FAM178B: variants seen among roughly 807,000 people sequenced by gnomAD.
FAM178B encodes family with sequence similarity 178 member B, also known as protein FAM178B.
In FAM178B, 82 loss-of-function variants were observed where a neutral mutation model predicts 91.7. That is an observed-to-expected ratio of 0.89 (90% CI 0.75 to 1.07). The LOEUF (loss-of-function observed/expected upper bound fraction) is 1.07, where lower values mean the gene tolerates loss of function less well. Among genes scored for constraint, FAM178B ranks in the 50% least tolerant of loss-of-function variants. The pLI is 0.00. For synonymous variants in FAM178B, 368 were observed against 359.4 expected (o/e 1.02, Z -0.27); for missense variants, 769 against 846.7 (o/e 0.91, Z 1.14).
rs186563151 is a variant in FAM178B, at chr2:96,944,166, C to T, written c.1078+3652G>A. ...CTGAGGCAGGAGAATGGCGTGAACC[C>T]GGGAGGTGGAGCTTGCAGTGGGCCG... On this transcript the variant is annotated intron_variant, in intron 8 of 16. Coordinates refer to ENST00000490605, the MANE Select transcript of FAM178B (RefSeq NM_001122646.3). Among the ~76,000 whole-genome samples, 21 of 145,990 alleles carry T rather than the reference C, an allele frequency of 1.4e-4. No homozygotes were observed. The East Asian group carries it at 3.4e-3, about 24-fold the overall frequency.
chr2:96,906,949 G>T (rs144098077), intron 12 of FAM178B, among the ~76,000 whole-genome samples: 2 of 152,186 alleles, frequency 1.3e-5, no homozygotes, highest in African/African-American at 4.8e-5. Flanking sequence ...TACTCACAGC[G>T]GGCGAGGAGG....
At position 96,902,704 on chromosome 2, in the gene FAM178B, C is replaced by A. The variant is rs766255820; in HGVS notation, c.1566G>T (p.Arg522=). ...FFPDMTSRSR[R]LRSQLSLVVI... ...CCACAAGGCTGAGCTGGCTTCGAAGCCGCCTGGGGGAAAAGCGACAGCCTG... is the reference window on the plus strand; with the variant it reads ...CCACAAGGCTGAGCTGGCTTCGAAGACGCCTGGGGGAAAAGCGACAGCCTG... The change falls in exon 13 of 17, where the codon CGG becomes CGT. Residue 522 remains arginine, a synonymous_variant. Transcript: ENST00000490605. 6.3e-5 allele frequency: 97 copies of A among 1,549,978 alleles called. No homozygotes were observed. The highest frequency in any genetic ancestry group is 1.7e-4 in the Middle Eastern group (1 of 6,010).
rs1367263308 is a variant in FAM178B at position 96,972,592 on chromosome 2, C to G, written c.88G>C (p.Gly30Arg). Residue 30 changes from glycine (G) to arginine (R), a missense_variant, in exon 2 of 17, where the codon GGC becomes CGC. Transcript: ENST00000490605. ...RLHFTGQMSHGLQMAGPQETV... is the reference protein window; with the variant it reads ...RLHFTGQMSHRLQMAGPQETV... ...TCCTGGGGCCCAGCCATCTGCAAGC[C>G]GTGGGACATCTGTCCTGGAAGGAAG... The G allele has an allele frequency of 1.3e-6, 2 of 1,551,468 alleles. No homozygotes were observed. The highest frequency in any genetic ancestry group is 1.4e-5 in the African/African-American group (1 of 73,060).
chr2:96,951,407 G>A lies in FAM178B; in HGVS notation c.965C>T (p.Pro322Leu), dbSNP rs536109197. 2.9e-5 allele frequency: 45 copies of A among 1,551,396 alleles called. No homozygotes were observed. In the East Asian group the frequency reaches 5.4e-4, roughly 19 times the overall value. The change falls in exon 7 of 17, where the codon CCG becomes CTG. Residue 322 changes from proline (P) to leucine (L), a missense_variant. Transcript: ENST00000490605. ...NILYLHMPDC[P>L]VSLLQWLFQL... ...GAACAGCCACTGGAGCAGGGATACC[G>A]GGCAGTCAGGCATGTGCAGGTAGAG...
chr2:96,946,265 G>A (rs2081826625), intron 8 of FAM178B, among the ~76,000 whole-genome samples: 1 of 152,092 alleles, frequency 6.6e-6, no homozygotes, highest in Non-Finnish European at 1.5e-5. Flanking sequence ...TTAAGGCCAA[G>A]TAATATTCCA....
At chr2:96,929,140 CAGAG>C (rs765390941) in intron 9 of FAM178B, 62 bp downstream of exon 9, 44 of 1,145,992 alleles carry the variant, frequency 3.8e-5, no homozygotes, top group Non-Finnish European at 5.1e-5. Flanking sequence ...TTCTGAGTGA[CAGAG>C]AGAGACCCTG....
At chr2:96,887,108 G>A (rs1022225634) in intron 14 of FAM178B, among the ~76,000 whole-genome samples, 1 of 152,068 alleles carries the variant, frequency 6.6e-6, no homozygotes, top group East Asian at 1.9e-4. Flanking sequence ...CCAGCTACTC[G>A]GGAGGTTGAG....
At chr2:96,895,473 T>C (rs865897324) in intron 13 of FAM178B, among the ~76,000 whole-genome samples, 5 of 152,326 alleles carry the variant, frequency 3.3e-5, no homozygotes, top group Middle Eastern at 3.4e-3. Context: ...GGAGGGAATG[T>C]GACCTGCGTA....
At chr2:96,959,618 C>T (rs1177843213) in intron 6 of FAM178B, among the ~76,000 whole-genome samples, 1 of 152,186 alleles carries the variant, frequency 6.6e-6, no homozygotes, top group Non-Finnish European at 1.5e-5. Flanking sequence ...CCCCACAGGG[C>T]ACCAGCCTGT....
chr2:96,925,714 G>A (rs566935814), intron 9 of FAM178B, among the ~76,000 whole-genome samples: 1 of 152,264 alleles, frequency 6.6e-6, no homozygotes, highest in East Asian at 1.9e-4. Flanking sequence ...CTGGGTTTCT[G>A]TCTCGGAGAC....
chr2:96,971,888 G>A lies in FAM178B; in HGVS notation c.564+13C>T. The A allele has an allele frequency of 6.8e-7, 1 of 1,473,758 alleles. No homozygotes were observed. Among genetic ancestry groups the A allele is most frequent in the Non-Finnish European group, 9.0e-7 (1 of 1,111,126 alleles). 91.3% of individuals were successfully genotyped at this position (1,473,758 alleles called of 1,614,324 possible). A position where few individuals can be genotyped will look rare whatever the true frequency, so the allele number is the denominator to read the frequency against. ...AGCCAAGGAGAAGAGGCCAAGGGTGGACACAGGCTCACCTCTGGGGCCGCA... is the reference window on the plus strand; with the variant it reads ...AGCCAAGGAGAAGAGGCCAAGGGTGAACACAGGCTCACCTCTGGGGCCGCA... On this transcript the variant is annotated intron_variant, in intron 3 of 16. Transcript: ENST00000490605.
At chr2:96,908,428 A>C (rs2081094993) in intron 12 of FAM178B, among the ~76,000 whole-genome samples, 1 of 152,244 alleles carries the variant, frequency 6.6e-6, no homozygotes, top group African/African-American at 2.4e-5. Context: ...GGCTAGGCAC[A>C]GTGGCTCACA....
chr2:96,905,848 A>ACG (rs2081035446), intron 12 of FAM178B, among the ~76,000 whole-genome samples: 4 of 26,506 alleles, frequency 1.5e-4, no homozygotes, highest in African/African-American at 5.3e-4. Flanking sequence ...ATATATATAT[A>ACG]TATATATATA....
rs72942974 is a variant in FAM178B, at chr2:96,946,119, G to T, written c.1078+1699C>A. On this transcript the variant is annotated intron_variant, in intron 8 of 16. Coordinates refer to ENST00000490605, the MANE Select transcript of FAM178B (RefSeq NM_001122646.3). ...TGACTACCCTGGGTAACTCATATACGTGTTTGTTCTTTTGTATGTTATTTC... is the reference window on the plus strand; with the variant it reads ...TGACTACCCTGGGTAACTCATATACTTGTTTGTTCTTTTGTATGTTATTTC... Among the ~76,000 whole-genome samples, 5 of 152,072 alleles carry T rather than the reference G, an allele frequency of 3.3e-5. No individual in the cohort carries two copies. In the South Asian group the frequency reaches 1.0e-3, roughly 32 times the overall value.
chr2:96,921,145 A>G lies in FAM178B; in HGVS notation c.1562+20T>C, dbSNP rs529653687. The G allele has an allele frequency of 2.6e-6, 4 of 1,542,386 alleles. No individual in the cohort carries two copies. The highest frequency in any genetic ancestry group is 3.5e-6 in the Non-Finnish European group (4 of 1,138,780). ...GAGATGCGTGTGAGAGGGAGGAGGC[A>G]GCGGGGGAGCAGCACGCACCTGCTC... On this transcript the variant is annotated intron_variant, in intron 12 of 16. Transcript: ENST00000490605.
At chr2:96,938,976 G>A (rs2081678463) in intron 8 of FAM178B, 1 of 152,540 alleles carries the variant, frequency 6.6e-6, no homozygotes, top group Non-Finnish European at 1.5e-5. Flanking sequence ...GCTGAGGTGG[G>A]TGGATCACTT....
intron 9 of FAM178B, among the ~76,000 whole-genome samples, chr2:96,927,680 C>A (rs141309241): frequency 2.0e-5 from 3 of 152,348 alleles, no homozygotes; most frequent in East Asian, 3.9e-4. Flanking sequence ...GGATTTGTCA[C>A]GCAGCATGAA....
intron 14 of FAM178B, among the ~76,000 whole-genome samples, chr2:96,884,132 C>T (rs546408768): frequency 2.3e-4 from 35 of 152,254 alleles, no homozygotes; most frequent in African/African-American, 5.3e-4. Flanking sequence ...TACCACTTCA[C>T]GGCATCCTGA....
chr2:96,960,474 A>C, intron 5 of FAM178B, 34 bp from the exon 6 acceptor site: 1 of 1,511,606 alleles, frequency 6.6e-7, no homozygotes, highest in African/African-American at 1.4e-5. Context: ...GCCGGGCATC[A>C]GCAGATGCAC....
Sources: gnomAD v4.1 joint callset for allele counts (sites outside exome capture counted in the v4.1 genomes callset) on GRCh38, gnomAD v4.1.1 for gene constraint, MANE v1.5 for transcripts, NCBI Gene and HGNC (gene_info 2026-07-23, HGNC 2026-07-21) for gene names.